Variants in GALNT11 observed in about 807,000 individuals in gnomAD.
GALNT11 encodes UDP-GalNAc:polypeptide N-acetylgalactosaminyltransferase 11.
A neutral mutation model predicts 72.7 loss-of-function variants in GALNT11; 47 were observed. That is an observed-to-expected ratio of 0.65 (90% confidence interval 0.51 to 0.82). GALNT11 has a LOEUF of 0.82. Among genes scored for constraint, GALNT11 ranks in the 40% least tolerant of loss-of-function variants. GALNT11 has a pLI of 0.00. For synonymous variants in GALNT11, 270 were observed against 286.6 expected, an observed-to-expected ratio of 0.94 and a Z score of 0.58; for missense variants, 677 against 778.4, an observed-to-expected ratio of 0.87 and a Z score of 1.55.
At chr7:152,039,577 C>G (rs1237005356) in intron 1 of GALNT11, among the ~76,000 whole-genome samples, 1 of 151,942 alleles carries the variant, frequency 6.6e-6, no homozygotes, top group Non-Finnish European at 1.5e-5. Flanking sequence ...TGATCTGTCC[C>G]CAGGTGGGTG....
Position 152,117,360 on chromosome 7 carries a change from C to T in GALNT11, c.1437C>T (p.Val479=). The T allele has an allele frequency of 1.9e-6, 3 of 1,614,146 alleles. No homozygotes were observed. Among genetic ancestry groups the T allele is most frequent in the Non-Finnish European group, 8.5e-7 (1 of 1,180,032 alleles). Residue 479 remains valine (V), a synonymous_variant, in exon 9 of 12, where the codon GTC becomes GTT. Coordinates refer to ENST00000430044, the MANE Select transcript of GALNT11 (RefSeq NM_022087.4). Reference sequence around the variant, plus strand: ...ATAGAGGGCCAAAACGACCCAAAGTCCTTCAACGTGGAAGGGTAAGAAAGC... The same window carrying T: ...ATAGAGGGCCAAAACGACCCAAAGTTCTTCAACGTGGAAGGGTAAGAAAGC... The part of the protein sequence containing the change: ...FVNRGPKRPK[V]LQRGRLYHLQ...
chr7:152,028,118 T>G (rs947532839), intron 1 of GALNT11, among the ~76,000 whole-genome samples: 12 of 152,178 alleles, frequency 7.9e-5, no homozygotes, highest in African/African-American at 2.9e-4. Context: ...GCAAGATTTA[T>G]TGCAAAGAAT....
At chr7:152,027,229 A>G (rs939767607) in intron 1 of GALNT11, among the ~76,000 whole-genome samples, 6 of 152,220 alleles carry the variant, frequency 3.9e-5, no homozygotes, top group African/African-American at 1.4e-4. Flanking sequence ...ATCCTGGGTG[A>G]CAGAGCGAGA....
At chr7:152,066,038 G>C (rs529269396) in intron 1 of GALNT11, among the ~76,000 whole-genome samples, 1 of 152,354 alleles carries the variant, frequency 6.6e-6, no homozygotes, top group South Asian at 2.1e-4. Context: ...TGCCCCCAGA[G>C]GTGGAGTCTA....
chr7:152,034,212 G>A (rs2082444302), intron 1 of GALNT11, among the ~76,000 whole-genome samples: 1 of 152,178 alleles, frequency 6.6e-6, no homozygotes. Context: ...ATCATTAATA[G>A]GAAGGGTAGC....
chr7:152,039,634 C>T (rs1020258132), intron 1 of GALNT11, among the ~76,000 whole-genome samples: 5 of 152,142 alleles, frequency 3.3e-5, no homozygotes, highest in South Asian at 2.1e-4. Context: ...TCCTCCTCAG[C>T]GTCAGTCTTG....
Position 152,120,902 on chromosome 7 carries a change from C to G in GALNT11, c.1629C>G (p.Arg543=). The change falls in exon 11 of 12, where the codon CGC becomes CGG. Residue 543 remains arginine, a synonymous_variant. Transcript: ENST00000430044. ...TTTGTCTAGATATGTCAGAGACTCG[C>G]TCATCAGACCCGCCACGGCTCATGA... ...SLLCLDMSET[R]SSDPPRLMKC... is the part of the protein sequence containing the mutation. The G allele has an allele frequency of 6.2e-7, 1 of 1,613,570 alleles. No individual in the cohort carries two copies. The highest frequency in any genetic ancestry group is 8.5e-7 in the Non-Finnish European group (1 of 1,179,652).
intron 1 of GALNT11, among the ~76,000 whole-genome samples, chr7:152,055,965 C>A (rs1295361100): frequency 6.6e-6 from 1 of 152,124 alleles, no homozygotes; most frequent in Non-Finnish European, 1.5e-5. Flanking sequence ...TGACGTCCTA[C>A]ACCCATCTTC....
intron 7 of GALNT11, among the ~76,000 whole-genome samples, chr7:152,112,603 C>T (rs759396751): frequency 3.3e-5 from 5 of 151,232 alleles, no homozygotes; most frequent in Admixed American, 6.6e-5. Context: ...GGGTTAAAGG[C>T]GTAATAGATT....
intron 1 of GALNT11, among the ~76,000 whole-genome samples, chr7:152,068,409 C>G (rs796202669): frequency 3.3e-5 from 5 of 152,200 alleles, no homozygotes; most frequent in African/African-American, 1.2e-4. Context: ...GTTCATTCAT[C>G]TTTTGAGGGA....
intron 1 of GALNT11, among the ~76,000 whole-genome samples, chr7:152,086,282 A>G (rs1453051178): frequency 6.6e-6 from 1 of 152,078 alleles, no homozygotes; most frequent in Non-Finnish European, 1.5e-5. Flanking sequence ...ACCTTGGCCT[A>G]CCAAAGTTCT....
chr7:152,102,073 AAAAT>A (rs1424297224), intron 3 of GALNT11, among the ~76,000 whole-genome samples: 3 of 152,180 alleles, frequency 2.0e-5, no homozygotes, highest in Non-Finnish European at 2.9e-5. Context: ...ATTGGGCAAA[AAAAT>A]AAAATTTCAA....
At chr7:152,084,394 A>G (rs1303616911) in intron 1 of GALNT11, among the ~76,000 whole-genome samples, 1 of 151,668 alleles carries the variant, frequency 6.6e-6, no homozygotes, top group African/African-American at 2.4e-5. Flanking sequence ...AAAAAAAAAA[A>G]AAAAAAAAAA....
At chr7:152,052,418 T>G (rs2083448747) in intron 1 of GALNT11, among the ~76,000 whole-genome samples, 1 of 152,200 alleles carries the variant, frequency 6.6e-6, no homozygotes, top group Admixed American at 6.5e-5. Context: ...ATTTATACAG[T>G]ATACCTATAT....
At chr7:152,118,482 A>C in intron 9 of GALNT11, 196 bp from the exon 10 acceptor site, 3 of 511,576 alleles carry the variant, frequency 5.9e-6, no homozygotes, top group East Asian at 7.3e-5. Flanking sequence ...TAACTTTTGG[A>C]GTTATAACTT....
chr7:152,064,077 T>C (rs1223287045), intron 1 of GALNT11, among the ~76,000 whole-genome samples: 1 of 152,190 alleles, frequency 6.6e-6, no homozygotes, highest in Non-Finnish European at 1.5e-5. Context: ...TCTGCCATTA[T>C]TATTGTGTGG....
At position 152,042,698 on chromosome 7, in the gene GALNT11, CTA is replaced by C. The variant is rs551661323; in HGVS notation, c.-39+16819_-39+16820del. On this transcript the variant is annotated intron_variant, in intron 1 of 11. Transcript: ENST00000430044. Reference sequence around the variant, plus strand: ...ATGCATCATATGTTGACTTTGAGGGCTATATAATTGTTCTGGAATTAGAACTT... The same window carrying C: ...ATGCATCATATGTTGACTTTGAGGGCTATAATTGTTCTGGAATTAGAACTT... 1.1e-4 allele frequency among the ~76,000 whole-genome samples: 16 copies of C among 152,230 alleles called. No homozygotes were observed. In the South Asian group the frequency reaches 3.3e-3, roughly 32 times the overall value.
chr7:152,091,433 G>T (rs1034677467), intron 1 of GALNT11, among the ~76,000 whole-genome samples: 9 of 152,058 alleles, frequency 5.9e-5, no homozygotes, highest in Non-Finnish European at 1.2e-4. Flanking sequence ...GTAGAGACAG[G>T]GTTTCACCAT....
At chr7:152,078,741 A>T (rs2085135542) in intron 1 of GALNT11, among the ~76,000 whole-genome samples, 2 of 152,142 alleles carry the variant, frequency 1.3e-5, no homozygotes. Context: ...GATGAATTAC[A>T]TGTTTTTTTT....
Sources: gnomAD v4.1 joint callset for allele counts (sites outside exome capture counted in the v4.1 genomes callset) on GRCh38, gnomAD v4.1.1 for gene constraint, MANE v1.5 for transcripts, NCBI Gene and HGNC (gene_info 2026-07-23, HGNC 2026-07-21) for gene names.